SUPT5H: variants seen among roughly 807,000 people sequenced by gnomAD.
The protein encoded by SUPT5H is transcription elongation factor SPT5.
Under a neutral mutation model 142.5 loss-of-function variants are expected in SUPT5H, and 24 were observed. That is an observed-to-expected ratio of 0.17 (90% CI 0.12 to 0.24). The LOEUF is 0.24. Among genes scored for constraint, SUPT5H ranks in the 10% least tolerant of loss-of-function variants. The pLI is 1.00. For missense variants in SUPT5H, 893 were observed against 1,471.8 expected (o/e 0.61, Z 6.43); for synonymous variants, 546 against 553.0 (o/e 0.99, Z 0.18).
chr19:39,462,858 GAGAC>G (rs374635051), intron 10 of SUPT5H, among the ~76,000 whole-genome samples: 18,711 of 59,114 alleles, frequency 0.32, 1,415 homozygotes, highest in Middle Eastern at 0.41. Flanking sequence ...TTTTTTTTTT[GAGAC>G]AGAGTCTCGC....
Position 39,469,289 on chromosome 19 carries a change from C to T in SUPT5H, c.1265C>T (p.Pro422Leu). The T allele has an allele frequency of 6.2e-7, 1 of 1,614,226 alleles. No homozygotes were observed. The highest frequency in any genetic ancestry group is 8.5e-7 in the Non-Finnish European group (1 of 1,180,024). ...AAGGAGCGGGAGCACAACTTCCAAC[C>T]TGGGGACAACGTGGAGGTCTGTGAG... The part of the protein sequence containing the change: ...TGKEREHNFQ[P>L]GDNVEVCEGE... The change falls in exon 16 of 30, where the codon CCT becomes CTT. Residue 422 changes from proline to leucine, a missense_variant. This residue lies in a region of SUPT5H where 428 missense variants were observed against 763.5 expected (regional missense o/e 0.56). Transcript: ENST00000432763. The surrounding 1 kb of genome is among the most constrained non-coding windows in gnomAD (Gnocchi z 5.1).
rs377321812 is a variant in SUPT5H, at chr19:39,459,184, G to A, written c.459G>A (p.Thr153=). ...TTCCTGACTGCCCTCCTCCCTTCAG[G>A]GTGTATGGAGGATCTGATGAGCTCT... ...KKYAKSSVGE[T]VYGGSDELSD... The change falls in exon 8 of 30, where the codon ACG becomes ACA. Residue 153 remains threonine (T), a splice_region_variant and synonymous_variant. Transcript: ENST00000432763. 1.9e-6 allele frequency: 3 copies of A among 1,595,820 alleles called. No homozygotes were observed.
intron 28 of SUPT5H, 182 bp from the exon 29 acceptor site, chr19:39,475,899 C>G (rs773190455): frequency 3.3e-6 from 2 of 601,230 alleles, no homozygotes; most frequent in East Asian, 5.6e-5. Flanking sequence ...ATTGGGTCAC[C>G]CTGTCCACCC....
intron 10 of SUPT5H, among the ~76,000 whole-genome samples, chr19:39,463,112 T>TC (rs1414465615): frequency 6.8e-6 from 1 of 146,074 alleles, no homozygotes; most frequent in Non-Finnish European, 1.5e-5. Flanking sequence ...CCCCTCAGCC[T>TC]CCCAAAGTGC....
At chr19:39,450,062 C>G (rs943133132) in intron 2 of SUPT5H, among the ~76,000 whole-genome samples, 1 of 151,848 alleles carries the variant, frequency 6.6e-6, no homozygotes, top group African/African-American at 2.4e-5. Flanking sequence ...CTTCAGCCTC[C>G]CAATGAACTG....
In SUPT5H at chr19:39,473,910, G is replaced by T; in HGVS notation, c.2493-53G>T. The T allele has an allele frequency of 6.2e-7, 1 of 1,611,676 alleles. No homozygotes were observed. Among genetic ancestry groups the T allele is most frequent in the South Asian group, 1.1e-5 (1 of 91,028 alleles). On this transcript the variant is annotated intron_variant, in intron 25 of 29. Transcript: ENST00000432763. The surrounding 1 kb of genome is among the most constrained non-coding windows in gnomAD (Gnocchi z 5.8). ...TCTGGTGTAGGGTGCTGTTCTGGAA[G>T]CATCCATCGCATTATCACCACAGTC...
In SUPT5H at chr19:39,470,301, G is replaced by A; in HGVS notation, c.1530+27G>A. On this transcript the variant is annotated intron_variant, in intron 17 of 29. Transcript: ENST00000432763. The surrounding 1 kb of genome is among the most constrained non-coding windows in gnomAD (Gnocchi z 5.8). ...TAGGTGGATAGAAGGGTCGGGGAAG[G>A]GTGCACGTGCCAAGAGGAGACCCAG... 1 of 1,549,962 alleles carries A rather than the reference G, an allele frequency of 6.5e-7. No individual in the cohort carries two copies. The highest frequency in any genetic ancestry group is 8.8e-7 in the Non-Finnish European group (1 of 1,141,780).
Position 39,473,846 on chromosome 19 carries a change from A to C in SUPT5H, c.2493-117A>C. The stretch of plus-strand genomic sequence containing the variant: ...GAAATAACATCAGGAGTGCCTCTGG[A>C]TGGGGCTCCCGTGAGAATGAAATTG... On this transcript the variant is annotated intron_variant, in intron 25 of 29. Coordinates refer to ENST00000432763, the MANE Select transcript of SUPT5H (RefSeq NM_001111020.3). The surrounding 1 kb of genome is among the most constrained non-coding windows in gnomAD (Gnocchi z 5.8). 1 of 1,398,510 alleles carries C rather than the reference A, an allele frequency of 7.2e-7. No homozygotes were observed. The highest frequency in any genetic ancestry group is 1.0e-6 in the Non-Finnish European group (1 of 995,092). The allele number at this position is 1,398,510 out of a possible 1,614,324, so 86.6% of individuals were successfully genotyped here. A position where few individuals can be genotyped will look rare whatever the true frequency, so the allele number is the denominator to read the frequency against.
At chr19:39,468,246 A>G (rs893548357) in intron 13 of SUPT5H, 13 of 160,180 alleles carry the variant, frequency 8.1e-5, no homozygotes, top group African/African-American at 2.6e-4. Context: ...GACCTTCCTG[A>G]GCCTGCATTC....
chr19:39,459,377 G>A, intron 8 of SUPT5H, 128 bp downstream of exon 8: 1 of 1,348,250 alleles, frequency 7.4e-7, no homozygotes. Flanking sequence ...GGATGGCAGG[G>A]GTAGGGAGGG....
At position 39,473,999 on chromosome 19, in the gene SUPT5H, G is replaced by A. The variant is rs781285736; in HGVS notation, c.2529G>A (p.Glu843=). The change falls in exon 26 of 30, where the codon GAG becomes GAA. Residue 843 remains glutamate, a synonymous_variant. Transcript: ENST00000432763. This position sits in a 1 kb window ranked among gnomAD's most constrained non-coding sequence, Gnocchi z 5.8. ...AATATGAGTATGCTTTCGATGATGAGCCCACCCCGTCCCCGCAGGCCTATG... is the reference window on the plus strand; with the variant it reads ...AATATGAGTATGCTTTCGATGATGAACCCACCCCGTCCCCGCAGGCCTATG... ...EEEYEYAFDD[E]PTPSPQAYGG... is the part of the protein sequence containing the mutation. 8.1e-6 allele frequency: 13 copies of A among 1,613,760 alleles called. No individual in the cohort carries two copies. Among genetic ancestry groups the A allele is most frequent in the African/African-American group, 1.3e-5 (1 of 74,858 alleles).
intron 29 of SUPT5H, 30 bp downstream of exon 29, chr19:39,476,206 G>C (rs1035048755): frequency 6.2e-7 from 1 of 1,614,042 alleles, no homozygotes. Context: ...AGATAAGATG[G>C]GGCCGTTGGG....
chr19:39,462,501 C>T (rs940061510), intron 10 of SUPT5H, among the ~76,000 whole-genome samples: 1 of 152,016 alleles, frequency 6.6e-6, no homozygotes, highest in Admixed American at 6.6e-5. Flanking sequence ...CAAGACTCAT[C>T]CATATTGTAG....
At chr19:39,459,299 G>C (rs1330063632) in intron 8 of SUPT5H, 50 bp downstream of exon 8, 1 of 1,547,228 alleles carries the variant, frequency 6.5e-7, no homozygotes, top group Non-Finnish European at 8.8e-7. Context: ...AATCTTGTAT[G>C]GGGTGATGGT....
At chr19:39,445,782 C>G in intron 1 of SUPT5H, 22 bp from the exon 2 acceptor site, 1 of 1,365,066 alleles carries the variant, frequency 7.3e-7, no homozygotes, top group Non-Finnish European at 1.0e-6. Flanking sequence ...CGGAAGCGCC[C>G]TAAGGGGTTT....
In SUPT5H at chr19:39,470,527, T is replaced by C. The variant is rs145868289; in HGVS notation, c.1677+4T>C. ...ACTAGAACGGGAGACCTTCCAGGTG[T>C]GTGTGTTGTGCTCTGTGGCGGGGAC... On this transcript the variant is annotated splice_donor_region_variant and intron_variant, in intron 18 of 29. Coordinates refer to ENST00000432763, the MANE Select transcript of SUPT5H (RefSeq NM_001111020.3). The surrounding 1 kb of genome is among the most constrained non-coding windows in gnomAD (Gnocchi z 5.8). The C allele has an allele frequency of 2.4e-3, 3,710 of 1,548,516 alleles. 3 individuals carry two copies. Among genetic ancestry groups the C allele is most frequent in the Non-Finnish European group, 2.9e-3 (3,299 of 1,143,964 alleles).
chr19:39,463,501 G>A (rs1280354969), intron 10 of SUPT5H, among the ~76,000 whole-genome samples: 4 of 152,160 alleles, frequency 2.6e-5, no homozygotes, highest in African/African-American at 9.7e-5. Context: ...TATGTTTACT[G>A]AGACGTGTTT....
chr19:39,460,726 A>C (rs570729632), intron 10 of SUPT5H, among the ~76,000 whole-genome samples: 1 of 152,146 alleles, frequency 6.6e-6, no homozygotes, highest in African/African-American at 2.4e-5. Flanking sequence ...AAAAAGGATT[A>C]GGTGGCTTTA....
chr19:39,460,018 A>C, intron 10 of SUPT5H, 58 bp downstream of exon 10: 1 of 1,573,276 alleles, frequency 6.4e-7, no homozygotes, highest in Middle Eastern at 1.7e-4. Context: ...AGAGGGAAGA[A>C]CATTGTCAAC....
Sources: allele counts gnomAD v4.1 joint callset (sites outside exome capture counted in the v4.1 genomes callset), GRCh38; gene constraint gnomAD v4.1.1; regional missense constraint gnomAD v4.1.1; non-coding constraint Gnocchi (gnomAD v3.1); transcripts MANE v1.5; gene names NCBI Gene and HGNC (gene_info 2026-07-23, HGNC 2026-07-21).